The following TSHZ3 variants were observed in gnomAD, a reference collection of about 807,000 sequenced individuals.
The protein encoded by TSHZ3 is teashirt zinc finger homeobox 3.
A neutral mutation model predicts 64.5 loss-of-function variants in TSHZ3; 10 were observed. That is an observed-to-expected ratio of 0.16 (90% CI 0.10 to 0.26). The LOEUF (loss-of-function observed/expected upper bound fraction) is 0.26. TSHZ3 is among the 10% of genes least tolerant of loss of function. The pLI is 1.00. For synonymous variants in TSHZ3, 608 were observed against 593.1 expected (o/e 1.03, Z -0.36); for missense variants, 1,242 against 1,421.7 (o/e 0.87, Z 2.03).
chr19:31,270,938 G>A (rs1976126293), downstream of TSHZ3, among the ~76,000 whole-genome samples: 1 of 152,180 alleles, frequency 6.6e-6, no homozygotes, highest in African/African-American at 2.4e-5. Flanking sequence ...GAAAAGCAGT[G>A]TCTCTGATCT....
intron 5 of TSHZ3, among the ~76,000 whole-genome samples, chr19:31,175,258 C>T (rs575054639): frequency 7.2e-5 from 11 of 152,022 alleles, no homozygotes; most frequent in African/African-American, 1.7e-4. Context: ...TTGGCACATA[C>T]GGCTTTGTGT....
At chr19:31,347,744 T>C (rs1261024598) in intron 1 of TSHZ3, among the ~76,000 whole-genome samples, 2 of 152,130 alleles carry the variant, frequency 1.3e-5, no homozygotes, top group Non-Finnish European at 1.5e-5. Flanking sequence ...CCAACCCTGT[T>C]TTCTTCTGAG....
In TSHZ3 at chr19:31,349,216, G is replaced by T; in HGVS notation, c.4C>A (p.Pro2Thr). 2 of 1,539,896 alleles carry T rather than the reference G, an allele frequency of 1.3e-6. No individual in the cohort carries two copies. Among genetic ancestry groups the T allele is most frequent in the Non-Finnish European group, 1.7e-6 (2 of 1,143,842 alleles). M[P>T]RRKQQAPRRA... Reference sequence around the variant, plus strand: ...CGGGGCGCCTGCTGCTTCCTCCTCGGCATGATGCTTCTCCGGCGACTGCCA... The same window carrying T: ...CGGGGCGCCTGCTGCTTCCTCCTCGTCATGATGCTTCTCCGGCGACTGCCA... Residue 2 changes from proline to threonine, a missense_variant, in exon 1 of 2, where the codon CCG (proline) becomes ACG (threonine). Pro to Thr is a conservative substitution (Grantham distance 38, BLOSUM62 -1). Coordinates refer to ENST00000240587, the MANE Select transcript of TSHZ3 (RefSeq NM_020856.4).
Position 31,277,609 on chromosome 19 carries a change from G to A in TSHZ3, c.2184C>T (p.Val728=), listed in dbSNP as rs1369932218. ...CGGCCTTGCCCAGGTGAATGTTCAT[G>A]ACTGACTGCAGGGCGCTCAAAGGGT... ...FVNPLSALQS[V]MNIHLGKAAK... is the part of the protein sequence containing the mutation. The change falls in exon 2 of 2, where the codon GTC becomes GTT. Residue 728 remains valine (V), a synonymous_variant. Coordinates refer to ENST00000240587, the MANE Select transcript of TSHZ3 (RefSeq NM_020856.4). The surrounding 1 kb of genome is among the most constrained non-coding windows in gnomAD (Gnocchi z 4.5). 1 of 1,586,508 alleles carries A rather than the reference G, an allele frequency of 6.3e-7. No homozygotes were observed. The highest frequency in any genetic ancestry group is 1.8e-5 in the Admixed American group (1 of 56,938).
intron 1 of TSHZ3, among the ~76,000 whole-genome samples, chr19:31,300,278 T>C: frequency 6.6e-6 from 1 of 152,140 alleles, no homozygotes; most frequent in East Asian, 1.9e-4. Context: ...CAGAAATCTA[T>C]TGAGATAGAT....
chr19:31,226,216 A>G (rs1356597573), intron 4 of TSHZ3, among the ~76,000 whole-genome samples: 1 of 151,572 alleles, frequency 6.6e-6, no homozygotes, highest in Admixed American at 6.6e-5. Flanking sequence ...GACTCCTTCA[A>G]TTCCACTTCT....
intron 1 of TSHZ3, among the ~76,000 whole-genome samples, chr19:31,268,304 A>G (rs1265262737): frequency 6.6e-6 from 1 of 152,140 alleles, no homozygotes; most frequent in Non-Finnish European, 1.5e-5. Flanking sequence ...GGGACCACCC[A>G]CTGGTGCAGT....
At chr19:31,203,721 G>T (rs1338319871) in intron 5 of TSHZ3, among the ~76,000 whole-genome samples, 2 of 152,084 alleles carry the variant, frequency 1.3e-5, no homozygotes, top group Non-Finnish European at 2.9e-5. Flanking sequence ...ACGATGGGTG[G>T]TAAGGCAGGC....
chr19:31,332,447 A>G (rs1221597279), intron 1 of TSHZ3, among the ~76,000 whole-genome samples: 2 of 152,184 alleles, frequency 1.3e-5, no homozygotes, highest in African/African-American at 4.8e-5. Flanking sequence ...GTCATGGGAT[A>G]GAAACTGAGA....
chr19:31,328,940 T>A (rs1377437276), intron 1 of TSHZ3, among the ~76,000 whole-genome samples: 1 of 152,170 alleles, frequency 6.6e-6, no homozygotes, highest in African/African-American at 2.4e-5. Context: ...TGGCTCCCAA[T>A]CACTGTTCAC....
chr19:31,269,197 C>T (rs1976098982), intron 1 of TSHZ3, among the ~76,000 whole-genome samples: 1 of 152,084 alleles, frequency 6.6e-6, no homozygotes, highest in Non-Finnish European at 1.5e-5. Context: ...CTCTGTTAGC[C>T]TAGCCAAGCA....
exon 7 of TSHZ3, among the ~76,000 whole-genome samples, chr19:31,150,191 G>A (rs1049190309): frequency 2.0e-5 from 3 of 152,146 alleles, no homozygotes; most frequent in Non-Finnish European, 4.4e-5. Flanking sequence ...GAAAACGCCC[G>A]GGTTGCTGAG....
chr19:31,278,535 T>C lies in TSHZ3; in HGVS notation c.1258A>G (p.Lys420Glu). 4.3e-6 allele frequency: 7 copies of C among 1,614,136 alleles called. No homozygotes were observed. The highest frequency in any genetic ancestry group is 5.9e-6 in the Non-Finnish European group (7 of 1,180,016). The stretch of plus-strand genomic sequence containing the variant: ...GTCTCCACAATGGGCTTCCCCTTTT[T>C]CATAGCAGAGTTGGTGACCTTGATG... ...HFIKVTNSAM[K>E]KGKPIVETPV... The change falls in exon 2 of 2, where the codon AAA (lysine) becomes GAA (glutamate). Residue 420 changes from lysine (K) to glutamate (E), a missense_variant. Around this residue, in one of 4 missense-constraint regions of TSHZ3, gnomAD observed 555 missense variants for 704.0 expected, o/e 0.79. Coordinates refer to ENST00000240587, the MANE Select transcript of TSHZ3 (RefSeq NM_020856.4). This position sits in a 1 kb window ranked among gnomAD's most constrained non-coding sequence, Gnocchi z 4.7.
chr19:31,151,024 C>A (rs375483627), exon 7 of TSHZ3, among the ~76,000 whole-genome samples: 1 of 152,128 alleles, frequency 6.6e-6, no homozygotes, highest in Non-Finnish European at 1.5e-5. Flanking sequence ...GAGTCATAAA[C>A]GAAATAAGAG....
At chr19:31,218,832 T>A (rs1340399801) in intron 4 of TSHZ3, among the ~76,000 whole-genome samples, 1 of 152,236 alleles carries the variant, frequency 6.6e-6, no homozygotes, top group Non-Finnish European at 1.5e-5. Context: ...TGATTCTAAC[T>A]TAAACCTTTA....
At chr19:31,251,061 G>T (rs1255352391) in intron 1 of TSHZ3, among the ~76,000 whole-genome samples, 1 of 152,154 alleles carries the variant, frequency 6.6e-6, no homozygotes, top group Admixed American at 6.5e-5. Flanking sequence ...GTTCTGGAGG[G>T]CTGGGAGGAA....
chr19:31,331,856 C>A (rs1028572334), intron 1 of TSHZ3, among the ~76,000 whole-genome samples: 1 of 152,156 alleles, frequency 6.6e-6, no homozygotes, highest in African/African-American at 2.4e-5. Flanking sequence ...AAGGGCAGAG[C>A]GGCTGGGCCC....
At chr19:31,290,505 A>C (rs1976544405) in intron 1 of TSHZ3, among the ~76,000 whole-genome samples, 1 of 152,110 alleles carries the variant, frequency 6.6e-6, no homozygotes, top group Non-Finnish European at 1.5e-5. Flanking sequence ...TTAAATAAGC[A>C]GGGAGAAAAA....
At chr19:31,291,925 C>T (rs1046503837) in intron 1 of TSHZ3, among the ~76,000 whole-genome samples, 5 of 152,184 alleles carry the variant, frequency 3.3e-5, no homozygotes, top group Admixed American at 6.5e-5. Context: ...TAGCCAGCGA[C>T]GGTCTATACA....
Sources: gnomAD v4.1 joint callset for allele counts (sites outside exome capture counted in the v4.1 genomes callset) on GRCh38, gnomAD v4.1.1 for gene constraint, gnomAD v4.1.1 regional missense constraint, Gnocchi (gnomAD v3.1) non-coding constraint, MANE v1.5 for transcripts, NCBI Gene and HGNC (gene_info 2026-07-23, HGNC 2026-07-21) for gene names.